KALRN: variants seen among roughly 807,000 people sequenced by gnomAD.
KALRN encodes the protein kalirin.
Under a neutral mutation model 353.7 loss-of-function variants are expected in KALRN, and 70 were observed. That is an observed-to-expected ratio of 0.20 (90% CI 0.16 to 0.24). The LOEUF (loss-of-function observed/expected upper bound fraction) is 0.24, where lower values mean the gene tolerates loss of function less well. KALRN is among the 10% of genes least tolerant of loss of function. The pLI, the probability that KALRN is intolerant of heterozygous loss-of-function variation, is 1.00. For missense variants in KALRN, 2,791 were observed against 3,756.7 expected (o/e 0.74, Z 6.72); for synonymous variants, 1,391 against 1,434.8 (o/e 0.97, Z 0.69).
chr3:124,227,663 GTTTTTTTTTTTTTTTTTTTTTTTT>G (rs747087120), intron 1 of KALRN, among the ~76,000 whole-genome samples: 84 of 69,254 alleles, frequency 1.2e-3, no homozygotes, highest in African/African-American at 3.6e-3. Context: ...CAACAGGGCT[GTTTTTTTTTTTTTTTTTTTTTTTT>G]TTTTTTTTTT....
intron 1 of KALRN, among the ~76,000 whole-genome samples, chr3:124,165,197 AAATAT>A (rs2070636743): frequency 6.6e-6 from 1 of 152,232 alleles, no homozygotes; most frequent in Non-Finnish European, 1.5e-5. Context: ...CTGAATTATA[AAATAT>A]AATCTTTAGA....
At chr3:124,126,909 G>A (rs982990355) in intron 1 of KALRN, among the ~76,000 whole-genome samples, 9 of 152,142 alleles carry the variant, frequency 5.9e-5, no homozygotes, top group African/African-American at 2.2e-4. Flanking sequence ...TGAACAGATG[G>A]GCACAATACT....
At chr3:124,385,978 A>T (rs1005443167) in intron 11 of KALRN, among the ~76,000 whole-genome samples, 1 of 151,964 alleles carries the variant, frequency 6.6e-6, no homozygotes, top group African/African-American at 2.4e-5. Flanking sequence ...GCCCTACTTA[A>T]TTAAGTTGAA....
At chr3:124,185,715 C>A (rs1326202086) in intron 1 of KALRN, among the ~76,000 whole-genome samples, 1 of 152,170 alleles carries the variant, frequency 6.6e-6, no homozygotes, top group South Asian at 2.1e-4. Context: ...CTCTGCCTTG[C>A]TCTGGGGAGC....
At chr3:124,489,286 G>A (rs890521990) in intron 29 of KALRN, among the ~76,000 whole-genome samples, 4 of 151,990 alleles carry the variant, frequency 2.6e-5, no homozygotes, top group Non-Finnish European at 5.9e-5. Flanking sequence ...CAGCCTGGGC[G>A]ATAGAGCAAG....
At chr3:124,193,890 G>C (rs2075181066) in intron 1 of KALRN, among the ~76,000 whole-genome samples, 1 of 151,780 alleles carries the variant, frequency 6.6e-6, no homozygotes, top group Non-Finnish European at 1.5e-5. Flanking sequence ...ATTTTTTTAA[G>C]AACTCTTTAT....
intron 45 of KALRN, among the ~76,000 whole-genome samples, chr3:124,664,370 T>TGTGTGTGCGCGC (rs370394911): frequency 1.1e-3 from 139 of 129,542 alleles, no homozygotes; most frequent in African/African-American, 3.4e-3. Flanking sequence ...TGTGTGTGTG[T>TGTGTGTGCGCGC]GCGCGCGCGC....
chr3:124,652,648 C>T (rs7651957), intron 38 of KALRN, among the ~76,000 whole-genome samples: 41,460 of 152,058 alleles, frequency 0.27, 5,788 homozygotes, highest in East Asian at 0.44. Flanking sequence ...ACTATCTCGG[C>T]TCACTGCAAG....
intron 57 of KALRN, among the ~76,000 whole-genome samples, chr3:124,704,085 C>G (rs745964716): frequency 4.6e-5 from 7 of 152,182 alleles, no homozygotes; most frequent in Non-Finnish European, 1.0e-4. Context: ...CTACCCAACT[C>G]CAAGCCTGGT....
intron 4 of KALRN, 143 bp from the exon 5 acceptor site, chr3:124,268,600 G>A (rs2073833060): frequency 1.3e-6 from 1 of 791,352 alleles, no homozygotes; most frequent in African/African-American, 1.7e-5. Context: ...TGACCAGTGA[G>A]TCCCATGGCC....
intron 33 of KALRN, among the ~76,000 whole-genome samples, chr3:124,560,653 G>A (rs908623476): frequency 1.3e-5 from 2 of 152,114 alleles, no homozygotes; most frequent in South Asian, 2.1e-4. Flanking sequence ...GTTGAGCCCA[G>A]GAGTTCAAGA....
chr3:124,431,918 A>ACTGT (rs1228017181), intron 16 of KALRN, among the ~76,000 whole-genome samples: 1 of 152,218 alleles, frequency 6.6e-6, no homozygotes, highest in African/African-American at 2.4e-5. Flanking sequence ...TACTAGAAGA[A>ACTGT]CTGTCTGGGA....
intron 47 of KALRN, 67 bp downstream of exon 47, chr3:124,667,250 G>A: frequency 7.1e-7 from 1 of 1,409,476 alleles, no homozygotes; most frequent in South Asian, 1.4e-5. Context: ...AGCTTCCTTG[G>A]GTCTAGGTTC....
chr3:124,393,117 C>T (rs968724466), intron 11 of KALRN, among the ~76,000 whole-genome samples: 3 of 152,140 alleles, frequency 2.0e-5, no homozygotes, highest in Admixed American at 1.3e-4. Context: ...AGGCACCTGC[C>T]ACCATGCCTG....
In KALRN at chr3:124,660,911, C is replaced by T. The variant is rs896367825; in HGVS notation, c.6217-12C>T. On this transcript the variant is annotated splice_polypyrimidine_tract_variant and intron_variant, in intron 43 of 59. Transcript: ENST00000682506. The stretch of plus-strand genomic sequence containing the variant: ...CCTTCCCACACTCTTGCCTGCTTCC[C>T]CTACTTGTTAGGACTTCCTGAGATA... 1.9e-6 allele frequency: 3 copies of T among 1,603,020 alleles called. No homozygotes were observed. The highest frequency in any genetic ancestry group is 2.6e-6 in the Non-Finnish European group (3 of 1,170,378).
chr3:124,109,066 G>A (rs531273773), intron 1 of KALRN, among the ~76,000 whole-genome samples: 12 of 151,996 alleles, frequency 7.9e-5, no homozygotes, highest in African/African-American at 2.4e-4. Context: ...TTAGAATTTG[G>A]GCAATTGAAT....
intron 1 of KALRN, among the ~76,000 whole-genome samples, chr3:124,045,821 A>C (rs560327144): frequency 6.6e-6 from 1 of 152,006 alleles, no homozygotes; most frequent in Non-Finnish European, 1.5e-5. Flanking sequence ...AGAGGAATGC[A>C]CACTAATGTA....
intron 34 of KALRN, among the ~76,000 whole-genome samples, chr3:124,626,321 G>C (rs1195861667): frequency 1.3e-5 from 2 of 152,154 alleles, no homozygotes; most frequent in Non-Finnish European, 2.9e-5. Context: ...TAGAGAGTAG[G>C]ATTGCAACTG....
intron 1 of KALRN, among the ~76,000 whole-genome samples, chr3:124,200,386 T>C (rs1309431861): frequency 2.0e-5 from 3 of 152,216 alleles, no homozygotes; most frequent in African/African-American, 7.2e-5. Flanking sequence ...TCAAGGTGCC[T>C]GCAGATTCAG....
Sources: gnomAD v4.1 joint callset for allele counts (sites outside exome capture counted in the v4.1 genomes callset) on GRCh38, gnomAD v4.1.1 for gene constraint, MANE v1.5 for transcripts, NCBI Gene and HGNC (gene_info 2026-07-23, HGNC 2026-07-21) for gene names.